MPPED2: variants seen among roughly 807,000 people sequenced by gnomAD.
MPPED2 encodes the protein metallophosphoesterase domain containing 2, also known as metallophosphoesterase MPPED2.
In MPPED2, 5 loss-of-function variants were observed where a neutral mutation model predicts 33.0. That is an observed-to-expected ratio of 0.15 (90% CI 0.08 to 0.32). MPPED2 has a LOEUF of 0.32. Ranked by LOEUF, MPPED2 falls within the 10% of genes least tolerant of loss-of-function variation. The pLI is 1.00. For missense variants in MPPED2, 275 were observed against 372.1 expected (o/e 0.74, Z 2.15); for synonymous variants, 136 against 141.9 (o/e 0.96, Z 0.29).
chr11:30,416,690 C>A (rs1050323333), intron 5 of MPPED2, among the ~76,000 whole-genome samples: 1 of 152,044 alleles, frequency 6.6e-6, no homozygotes, highest in African/African-American at 2.4e-5. Flanking sequence ...AAGAAAAAAT[C>A]GAACAGTCTT....
intron 4 of MPPED2, among the ~76,000 whole-genome samples, chr11:30,464,272 C>CACACAA: frequency 6.7e-6 from 1 of 148,856 alleles, no homozygotes; most frequent in East Asian, 2.0e-4. Context: ...GATACTAACA[C>CACACAA]ACACACACAC....
chr11:30,431,677 A>G (rs1214731097), intron 4 of MPPED2, among the ~76,000 whole-genome samples: 3 of 152,178 alleles, frequency 2.0e-5, no homozygotes, highest in Admixed American at 6.5e-5. Context: ...AGAATCTTCT[A>G]TAGCCATTGA....
At chr11:30,559,166 T>C (rs1356475581) in intron 2 of MPPED2, among the ~76,000 whole-genome samples, 1 of 152,190 alleles carries the variant, frequency 6.6e-6, no homozygotes, top group African/African-American at 2.4e-5. Flanking sequence ...TAGAGTCCAG[T>C]TGAAATAAAA....
intron 3 of MPPED2, among the ~76,000 whole-genome samples, chr11:30,514,224 AGGTGCG>A (rs751630780): frequency 1.3e-5 from 2 of 152,194 alleles, no homozygotes; most frequent in Non-Finnish European, 2.9e-5. Context: ...TGGTTTAAGG[AGGTGCG>A]GTCACCCAAT....
intron 3 of MPPED2, among the ~76,000 whole-genome samples, chr11:30,500,600 A>T (rs1349572395): frequency 3.9e-5 from 6 of 152,200 alleles, no homozygotes; most frequent in African/African-American, 1.4e-4. Flanking sequence ...CACCTACCTC[A>T]TGAGTTTTGG....
At chr11:30,553,931 C>T (rs998773793) in intron 2 of MPPED2, among the ~76,000 whole-genome samples, 1 of 152,138 alleles carries the variant, frequency 6.6e-6, no homozygotes, top group East Asian at 1.9e-4. Context: ...TGTAAATAAT[C>T]GTAAGCATAA....
intron 2 of MPPED2, among the ~76,000 whole-genome samples, chr11:30,540,164 C>T (rs1477734903): frequency 6.6e-6 from 1 of 152,212 alleles, no homozygotes; most frequent in African/African-American, 2.4e-5. Flanking sequence ...CACTTTTTCT[C>T]ATCTGTAAAA....
chr11:30,554,884 C>T (rs1165417154), intron 2 of MPPED2, among the ~76,000 whole-genome samples: 2 of 152,142 alleles, frequency 1.3e-5, no homozygotes, highest in Non-Finnish European at 2.9e-5. Context: ...CATCAGTTCT[C>T]TAAGTACACT....
intron 4 of MPPED2, among the ~76,000 whole-genome samples, chr11:30,490,200 G>A (rs1951915863): frequency 6.6e-6 from 1 of 152,058 alleles, no homozygotes; most frequent in East Asian, 1.9e-4. Context: ...GACAAAATTG[G>A]GCACCACTGG....
intron 3 of MPPED2, among the ~76,000 whole-genome samples, chr11:30,533,832 C>T (rs1433892209): frequency 2.0e-5 from 3 of 152,078 alleles, no homozygotes; most frequent in African/African-American, 7.2e-5. Context: ...ATTTTATTTC[C>T]TTATCATTGT....
At chr11:30,534,627 A>C (rs369850476) in intron 3 of MPPED2, among the ~76,000 whole-genome samples, 13 of 152,228 alleles carry the variant, frequency 8.5e-5, no homozygotes, top group Non-Finnish European at 1.9e-4. Context: ...ATTCACTGCT[A>C]GTGAAACACA....
At chr11:30,516,745 T>C (rs992898108) in intron 3 of MPPED2, among the ~76,000 whole-genome samples, 3 of 152,170 alleles carry the variant, frequency 2.0e-5, no homozygotes, top group African/African-American at 4.8e-5. Flanking sequence ...CCAAGTCCTG[T>C]GTCCAGCAAA....
intron 4 of MPPED2, among the ~76,000 whole-genome samples, chr11:30,475,638 T>C (rs1951158256): frequency 1.3e-5 from 2 of 152,202 alleles, no homozygotes; most frequent in South Asian, 4.1e-4. Flanking sequence ...AGTTCATTCC[T>C]TTTATTTGCT....
chr11:30,422,771 G>C (rs1175180328), intron 4 of MPPED2, among the ~76,000 whole-genome samples: 6 of 152,158 alleles, frequency 3.9e-5, no homozygotes, highest in Admixed American at 3.9e-4. Flanking sequence ...GTCCCACAAA[G>C]CACCCTATTG....
At chr11:30,458,822 A>G (rs1423541465) in intron 4 of MPPED2, among the ~76,000 whole-genome samples, 2 of 152,032 alleles carry the variant, frequency 1.3e-5, no homozygotes, top group Non-Finnish European at 2.9e-5. Flanking sequence ...ATGTGTTCTA[A>G]AGCTGGATGA....
At chr11:30,490,750 A>C (rs577795383) in intron 4 of MPPED2, among the ~76,000 whole-genome samples, 1 of 152,286 alleles carries the variant, frequency 6.6e-6, no homozygotes, top group South Asian at 2.1e-4. Flanking sequence ...ATTAGAAAAC[A>C]CTACTTTAAT....
intron 2 of MPPED2, among the ~76,000 whole-genome samples, chr11:30,557,191 ATGAC>A (rs1467422272): frequency 7.0e-6 from 1 of 142,346 alleles, no homozygotes; most frequent in Non-Finnish European, 1.5e-5. Context: ...GAATAAAAGA[ATGAC>A]TGTGCCAAAT....
At position 30,414,269 on chromosome 11, in the gene MPPED2, CG is replaced by C; in HGVS notation, c.724del (p.Arg242GlufsTer19). 1 of 1,613,972 alleles carries C rather than the reference CG, an allele frequency of 6.2e-7. No homozygotes were observed. Among genetic ancestry groups the C allele is most frequent in the Non-Finnish European group, 8.5e-7 (1 of 1,179,894 alleles). On this transcript the variant is annotated frameshift_variant, in exon 6 of 7. Coordinates refer to ENST00000358117, the MANE Select transcript of MPPED2 (RefSeq NM_001584.3). LOFTEE classifies it high-confidence loss of function. ...CVELLNTVQR[R>X]VRPKLHVFGG... ...AAACACATGGAGCTTGGGCCGGACT[CG>C]CCTCTGAACCGTGTTTAACAGCTCC...
At chr11:30,441,563 A>C (rs549272) in intron 4 of MPPED2, among the ~76,000 whole-genome samples, 54,622 of 152,100 alleles carry the variant, frequency 0.36, 14,316 homozygotes, top group African/African-American at 0.73. Flanking sequence ...TTAATTATGG[A>C]TCCAAAAGAT....
Sources: allele counts gnomAD v4.1 joint callset (sites outside exome capture counted in the v4.1 genomes callset), GRCh38; gene constraint gnomAD v4.1.1; transcripts MANE v1.5; gene names NCBI Gene and HGNC (gene_info 2026-07-23, HGNC 2026-07-21).